Variants in SFMBT2 observed in about 807,000 individuals in gnomAD.
SFMBT2 encodes the protein Scm like with four mbt domains 2.
A neutral mutation model predicts 110.1 loss-of-function variants in SFMBT2; 38 were observed. The observed-to-expected ratio is 0.35, with a 90% CI of 0.27 to 0.45. The LOEUF (loss-of-function observed/expected upper bound fraction) is 0.45. Among genes scored for constraint, SFMBT2 ranks in the 20% least tolerant of loss-of-function variants. The pLI is 1.00. For missense variants in SFMBT2, 1,011 were observed against 1,094.9 expected, an observed-to-expected ratio of 0.92 and a Z score of 1.08; for synonymous variants, 425 against 425.4, an observed-to-expected ratio of 1.00 and a Z score of 0.01.
intron 2 of SFMBT2, 53 bp from the exon 3 acceptor site, chr10:7,370,428 G>A: frequency 1.4e-6 from 2 of 1,440,730 alleles, no homozygotes. Context: ...GGACAGAAAG[G>A]TGCTGGCCTG....
intron 4 of SFMBT2, among the ~76,000 whole-genome samples, chr10:7,352,048 G>A (rs960648639): frequency 1.3e-5 from 2 of 151,960 alleles, no homozygotes; most frequent in Non-Finnish European, 2.9e-5. Flanking sequence ...TTTTTTCTGG[G>A]CTCCTTTCAG....
At chr10:7,250,931 C>T (rs1840784118) in intron 7 of SFMBT2, among the ~76,000 whole-genome samples, 1 of 152,138 alleles carries the variant, frequency 6.6e-6, no homozygotes, top group Non-Finnish European at 1.5e-5. Context: ...CATGTCCAGG[C>T]AGGGCCAGAA....
In SFMBT2 at chr10:7,197,584, C is replaced by T. The variant is rs199694660; in HGVS notation, c.1662G>A (p.Ser554=). 88 of 1,614,192 alleles carry T rather than the reference C, an allele frequency of 5.5e-5. 1 individual carries two copies. The Admixed American group carries it at 8.8e-4, about 16-fold the overall frequency. Residue 554 remains serine (S), a synonymous_variant, in exon 15 of 21, where the codon TCG becomes TCA. Transcript: ENST00000397167. ...NKGRIAELPQ[S]VGPGKCVLVL... ...CCAGCACGCATTTGCCCGGTCCCAC[C>T]GACTGAGGTAGCTCTGCAATCCTTC...
intron 4 of SFMBT2, among the ~76,000 whole-genome samples, chr10:7,300,760 A>G (rs1396313876): frequency 6.6e-6 from 1 of 152,238 alleles, no homozygotes; most frequent in African/African-American, 2.4e-5. Context: ...AAATGCACAA[A>G]TGTATTTTTA....
At chr10:7,278,550 C>T (rs1488276060) in intron 6 of SFMBT2, among the ~76,000 whole-genome samples, 1 of 152,192 alleles carries the variant, frequency 6.6e-6, no homozygotes, top group Non-Finnish European at 1.5e-5. Context: ...GGACCATAAA[C>T]ACATGCCCCT....
rs1340498560 is a variant in SFMBT2 at position 7,160,136 on chromosome 10, G to T, written c.*3634C>A. 1.3e-5 allele frequency: 2 copies of T among 152,164 alleles called. No individual in the cohort carries two copies. The highest frequency in any genetic ancestry group is 2.9e-5 in the Non-Finnish European group (2 of 68,028). 9.4% of individuals were successfully genotyped at this position (152,164 alleles called of 1,614,324 possible). On this transcript the variant is annotated 3_prime_UTR_variant, in exon 21 of 21. Coordinates refer to ENST00000397167, the MANE Select transcript of SFMBT2 (RefSeq NM_001387889.1). The stretch of plus-strand genomic sequence containing the variant: ...CAAATACTGTGTCTGACTCCAACTT[G>T]GATCAAATGACTCTAATTTTGAAAG...
At chr10:7,363,553 G>GGCC (rs768009677) in intron 4 of SFMBT2, among the ~76,000 whole-genome samples, 68 of 152,068 alleles carry the variant, frequency 4.5e-4, no homozygotes, top group Non-Finnish European at 9.0e-4. Flanking sequence ...TCACCATGTT[G>GGCC]GCCAGGCTTG....
At chr10:7,315,120 A>AAGAAAGAAAGAAAGAAAAGAAAG (rs1554802952) in intron 4 of SFMBT2, among the ~76,000 whole-genome samples, 1 of 144,762 alleles carries the variant, frequency 6.9e-6, no homozygotes, top group Non-Finnish European at 1.6e-5. Context: ...AAAAGCAAGC[A>AAGAAAGAAAGAAAGAAAAGAAAG]AGCAAGCCAG....
At chr10:7,394,745 G>T (rs989807907) in intron 1 of SFMBT2, among the ~76,000 whole-genome samples, 1 of 152,086 alleles carries the variant, frequency 6.6e-6, no homozygotes, top group African/African-American at 2.4e-5. Context: ...TATAGGTACT[G>T]CTTTCATTTC....
chr10:7,347,478 G>C (rs1181845925), intron 4 of SFMBT2, among the ~76,000 whole-genome samples: 1 of 152,054 alleles, frequency 6.6e-6, no homozygotes, highest in Non-Finnish European at 1.5e-5. Context: ...GAAATTTTGA[G>C]AAAGAAAAGT....
rs2131524469 is a variant in SFMBT2, at chr10:7,170,253, G to A, written c.2544+675C>T. Among the ~76,000 whole-genome samples the A allele has an allele frequency of 6.6e-6, 1 of 152,342 alleles. No homozygotes were observed. Among genetic ancestry groups the A allele is most frequent in the African/African-American group, 2.4e-5 (1 of 41,564 alleles). ...GAGCTTCATGCCCCTGAGACTTGGA[G>A]CTGAAGAAGCTGCAACCCAGATTTG... is the stretch of plus-strand genomic sequence containing the variant. On this transcript the variant is annotated intron_variant, in intron 20 of 20. Transcript: ENST00000397167. The surrounding 1 kb of genome is among the most constrained non-coding windows in gnomAD (Gnocchi z 4.6).
At chr10:7,347,083 C>A (rs919588560) in intron 4 of SFMBT2, among the ~76,000 whole-genome samples, 9 of 152,064 alleles carry the variant, frequency 5.9e-5, no homozygotes, top group African/African-American at 2.2e-4. Flanking sequence ...GGCTTTTTTC[C>A]CTCCCTTCTT....
chr10:7,285,839 C>T (rs767803016), intron 5 of SFMBT2, 27 bp downstream of exon 5: 8 of 868,258 alleles, frequency 9.2e-6, no homozygotes, highest in East Asian at 4.8e-5. Context: ...TTCAGAGATA[C>T]ATTAGATGTA....
At chr10:7,388,524 A>ATTTTTTTTTTTTTT (rs60231769) in intron 1 of SFMBT2, among the ~76,000 whole-genome samples, 4 of 112,092 alleles carry the variant, frequency 3.6e-5, no homozygotes, top group East Asian at 2.3e-4. Flanking sequence ...TACCCAGCTA[A>ATTTTTTTTTTTTTT]TTTTTTTTTT....
chr10:7,214,179 T>C (rs1839453070), intron 11 of SFMBT2, among the ~76,000 whole-genome samples: 1 of 151,836 alleles, frequency 6.6e-6, no homozygotes, highest in South Asian at 2.1e-4. Flanking sequence ...AAGCAGGAGA[T>C]GGAGAATATA....
At chr10:7,194,750 C>T (rs1365079824) in intron 15 of SFMBT2, among the ~76,000 whole-genome samples, 1 of 152,208 alleles carries the variant, frequency 6.6e-6, no homozygotes, top group East Asian at 1.9e-4. Context: ...TTTCTTCCTG[C>T]CACATGCATT....
Position 7,172,231 on chromosome 10 carries a change from C to G in SFMBT2, c.2152-73G>C, listed in dbSNP as rs569125312. On this transcript the variant is annotated intron_variant, in intron 18 of 20. Transcript: ENST00000397167. This position sits in a 1 kb window ranked among gnomAD's most constrained non-coding sequence, Gnocchi z 4.6. ...GTAGCGGTGGCCCCGCGGTCAGACC[C>G]TGGGCCCAGTGCAGACCACCTAGCA... The G allele has an allele frequency of 6.7e-7, 1 of 1,497,498 alleles. No individual in the cohort carries two copies. The highest frequency in any genetic ancestry group is 1.4e-5 in the African/African-American group (1 of 71,490). 92.8% of individuals were successfully genotyped at this position (1,497,498 alleles called of 1,614,324 possible). A position where few individuals can be genotyped will look rare whatever the true frequency, so the allele number is the denominator to read the frequency against.
At chr10:7,247,116 G>A (rs535521459) in intron 8 of SFMBT2, among the ~76,000 whole-genome samples, 1 of 152,046 alleles carries the variant, frequency 6.6e-6, no homozygotes, top group African/African-American at 2.4e-5. Flanking sequence ...TTTTGTTTTT[G>A]TTGTTGTTTG....
intron 9 of SFMBT2, among the ~76,000 whole-genome samples, chr10:7,234,688 G>T (rs79374258): frequency 6.6e-6 from 1 of 152,210 alleles, no homozygotes; most frequent in Non-Finnish European, 1.5e-5. Context: ...CGGGCGGGAC[G>T]ATCTGACAGT....
Sources: gnomAD v4.1 joint callset for allele counts (sites outside exome capture counted in the v4.1 genomes callset) on GRCh38, gnomAD v4.1.1 for gene constraint, Gnocchi (gnomAD v3.1) non-coding constraint, MANE v1.5 for transcripts, NCBI Gene and HGNC (gene_info 2026-07-23, HGNC 2026-07-21) for gene names.